The following CSMD1 variants were observed in gnomAD, a reference collection of about 807,000 sequenced individuals.
The protein encoded by CSMD1 is CUB and Sushi multiple domains 1.
Under a neutral mutation model 417.5 loss-of-function variants are expected in CSMD1, and 213 were observed. The observed-to-expected ratio is 0.51, with a 90% confidence interval of 0.46 to 0.57. The LOEUF (loss-of-function observed/expected upper bound fraction) is 0.57, where lower values mean the gene tolerates loss of function less well. CSMD1 is among the 20% of genes least tolerant of loss of function. CSMD1 has a pLI of 0.00. For synonymous variants in CSMD1, 2,862 were observed against 1,736.8 expected (o/e 1.65, Z -16.11); for missense variants, 6,923 against 4,529.7 (o/e 1.53, Z -15.17).
chr8:4,156,817 G>A (rs1243913394), intron 3 of CSMD1, among the ~76,000 whole-genome samples: 2 of 152,112 alleles, frequency 1.3e-5, no homozygotes, highest in Non-Finnish European at 2.9e-5. Context: ...GCAGCGAGCA[G>A]CAAGTACTAT....
intron 6 of CSMD1, among the ~76,000 whole-genome samples, chr8:3,734,536 C>A (rs911583619): frequency 1.3e-5 from 2 of 152,136 alleles, no homozygotes; most frequent in African/African-American, 2.4e-5. Flanking sequence ...CTTGGTGAAA[C>A]CCTGTCTCTA....
chr8:4,475,764 C>A (rs1336492374), intron 2 of CSMD1, among the ~76,000 whole-genome samples: 2 of 152,070 alleles, frequency 1.3e-5, no homozygotes, highest in Non-Finnish European at 2.9e-5. Context: ...AGGCGTGCAC[C>A]ACCACACACA....
chr8:4,650,414 A>C (rs1191291380), intron 1 of CSMD1, among the ~76,000 whole-genome samples: 1 of 151,814 alleles, frequency 6.6e-6, no homozygotes, highest in African/African-American at 2.4e-5. Flanking sequence ...TTGCCACTGT[A>C]ATTGATCTTC....
At chr8:4,404,552 A>C (rs1033337806) in intron 3 of CSMD1, among the ~76,000 whole-genome samples, 1 of 152,212 alleles carries the variant, frequency 6.6e-6, no homozygotes, top group Non-Finnish European at 1.5e-5. Flanking sequence ...TTAATATTAA[A>C]TATGAACATT....
intron 5 of CSMD1, among the ~76,000 whole-genome samples, chr8:3,796,404 T>C (rs1409757661): frequency 3.6e-5 from 3 of 83,294 alleles, no homozygotes; most frequent in East Asian, 3.2e-4. Flanking sequence ...TGTATAGATA[T>C]AGATATATAT....
intron 1 of CSMD1, among the ~76,000 whole-genome samples, chr8:4,670,028 C>T (rs970964181): frequency 2.0e-5 from 3 of 152,152 alleles, no homozygotes; most frequent in Non-Finnish European, 4.4e-5. Context: ...ATGAACTCAA[C>T]CATCTGAACC....
At chr8:4,112,444 C>A (rs529570816) in intron 3 of CSMD1, among the ~76,000 whole-genome samples, 2 of 152,182 alleles carry the variant, frequency 1.3e-5, no homozygotes, top group African/African-American at 2.4e-5. Context: ...AGGATGTGTT[C>A]CCTCCCCATT....
intron 23 of CSMD1, among the ~76,000 whole-genome samples, chr8:3,309,840 T>A (rs982219259): frequency 6.6e-6 from 1 of 152,242 alleles, no homozygotes; most frequent in Non-Finnish European, 1.5e-5. Flanking sequence ...GATGTCTGAC[T>A]AATCAGGATT....
At chr8:4,894,341 C>T (rs1235730871) in intron 1 of CSMD1, among the ~76,000 whole-genome samples, 1 of 151,936 alleles carries the variant, frequency 6.6e-6, no homozygotes, top group African/African-American at 2.4e-5. Flanking sequence ...TACTAATTCA[C>T]TGCTTGTAGA....
chr8:4,559,294 T>C (rs984880778), intron 2 of CSMD1, among the ~76,000 whole-genome samples: 5 of 152,208 alleles, frequency 3.3e-5, no homozygotes, highest in African/African-American at 1.2e-4. Context: ...AATAACAGTT[T>C]AGAGTTGAAT....
chr8:4,393,017 C>A lies in CSMD1; in HGVS notation c.415+26936G>T, dbSNP rs1803954710. ...GAGAGATGGAGTGTCACTCTGTCAT[C>A]CAGGCTGGAGTGCAGTGACATGACC... On this transcript the variant is annotated intron_variant, in intron 3 of 69. Coordinates refer to ENST00000635120, the MANE Select transcript of CSMD1 (RefSeq NM_033225.6). Among the ~76,000 whole-genome samples, 3 of 152,160 alleles carry A rather than the reference C, an allele frequency of 2.0e-5. No homozygotes were observed. In the South Asian group the frequency reaches 6.2e-4, roughly 32 times the overall value.
At chr8:3,281,557 T>C (rs532714974) in intron 26 of CSMD1, among the ~76,000 whole-genome samples, 2 of 152,192 alleles carry the variant, frequency 1.3e-5, no homozygotes, top group African/African-American at 2.4e-5. Flanking sequence ...GAAAGTGTCT[T>C]ACTAAGTGAA....
intron 7 of CSMD1, among the ~76,000 whole-genome samples, chr8:3,660,412 G>T: frequency 6.8e-6 from 1 of 147,950 alleles, no homozygotes; most frequent in Admixed American, 6.7e-5. Context: ...ATTTCTTATT[G>T]TTGTTTGATC....
intron 2 of CSMD1, among the ~76,000 whole-genome samples, chr8:4,528,987 C>G (rs1008872508): frequency 2.0e-5 from 3 of 152,080 alleles, no homozygotes; most frequent in Non-Finnish European, 4.4e-5. Context: ...GATTTATTAA[C>G]AAAAGGTGAC....
chr8:3,478,877 C>T (rs540070927), intron 11 of CSMD1, among the ~76,000 whole-genome samples: 1 of 152,154 alleles, frequency 6.6e-6, no homozygotes, highest in African/African-American at 2.4e-5. Context: ...TGGGGAGGCC[C>T]TTCGTCCCAG....
At chr8:3,755,550 G>T (rs1376283625) in intron 5 of CSMD1, among the ~76,000 whole-genome samples, 2 of 152,062 alleles carry the variant, frequency 1.3e-5, no homozygotes, top group Non-Finnish European at 2.9e-5. Flanking sequence ...GAGCGCCGCA[G>T]CTGCTTGGTA....
intron 5 of CSMD1, among the ~76,000 whole-genome samples, chr8:3,757,400 G>A (rs546212540): frequency 1.1e-4 from 17 of 152,172 alleles, no homozygotes; most frequent in South Asian, 6.2e-4. Context: ...CTTTATTTAC[G>A]GACACTGAGA....
rs373469665 is a variant in CSMD1 at position 3,363,926 on chromosome 8, C to T, written c.3115+3106G>A. Among the ~76,000 whole-genome samples the T allele has an allele frequency of 1.4e-4, 22 of 152,158 alleles. No individual in the cohort carries two copies. The East Asian group carries it at 4.1e-3, about 28-fold the overall frequency. ...AGGTTTATCTAAGCCAACTGGAATA[C>T]GGGGCTCTTTTTCTACAATATTACC... On this transcript the variant is annotated intron_variant, in intron 20 of 69. Transcript: ENST00000635120.
intron 5 of CSMD1, among the ~76,000 whole-genome samples, chr8:3,926,108 C>CCAT (rs11373813): frequency 0.01 from 819 of 79,158 alleles, 61 homozygotes; most frequent in African/African-American, 0.028. Flanking sequence ...CACACACACA[C>CCAT]ACACACACAC....
Sources: allele counts gnomAD v4.1 joint callset (sites outside exome capture counted in the v4.1 genomes callset), GRCh38; gene constraint gnomAD v4.1.1; transcripts MANE v1.5; gene names NCBI Gene and HGNC (gene_info 2026-07-23, HGNC 2026-07-21).